Variants in SEMA6D observed in about 807,000 individuals in gnomAD.
SEMA6D encodes semaphorin 6D.
SEMA6D carries 35 observed loss-of-function variants against 106.6 expected under a neutral mutation model. The ratio of observed to expected loss-of-function variants is 0.33; its 90% confidence interval spans 0.25 to 0.44. SEMA6D has a LOEUF of 0.44. Ranked by LOEUF, SEMA6D falls within the 20% of genes least tolerant of loss-of-function variation. The pLI, the probability that SEMA6D is intolerant of heterozygous loss-of-function variation, is 1.00. For synonymous variants in SEMA6D, 499 were observed against 487.7 expected, an observed-to-expected ratio of 1.02 and a Z score of -0.31; for missense variants, 1,185 against 1,345.9, an observed-to-expected ratio of 0.88 and a Z score of 1.87.
chr15:47,328,913 G>A (rs570773610), intron 1 of SEMA6D, among the ~76,000 whole-genome samples: 78 of 152,248 alleles, frequency 5.1e-4, no homozygotes, highest in Admixed American at 2.4e-3. Flanking sequence ...TCATATCATT[G>A]GAGTAGACTT....
intron 2 of SEMA6D, among the ~76,000 whole-genome samples, chr15:47,457,816 A>G (rs2042389395): frequency 1.3e-5 from 2 of 151,968 alleles, no homozygotes; most frequent in Admixed American, 1.3e-4. Context: ...GCCAAGCACA[A>G]GCACAGGAAG....
At chr15:47,347,492 A>G (rs1007525921) in intron 1 of SEMA6D, among the ~76,000 whole-genome samples, 1 of 152,232 alleles carries the variant, frequency 6.6e-6, no homozygotes, top group Non-Finnish European at 1.5e-5. Flanking sequence ...ATCCATAATC[A>G]CAGTGCAGGC....
chr15:47,441,022 A>G (rs941852230), intron 2 of SEMA6D, among the ~76,000 whole-genome samples: 3 of 151,970 alleles, frequency 2.0e-5, no homozygotes, highest in African/African-American at 4.8e-5. Flanking sequence ...AAATGTTACC[A>G]TTCCCCTGAC....
chr15:47,603,108 GT>G (rs1311360664), intron 4 of SEMA6D, among the ~76,000 whole-genome samples: 1 of 152,110 alleles, frequency 6.6e-6, no homozygotes, highest in Non-Finnish European at 1.5e-5. Context: ...AGATACTGGT[GT>G]TTTCTTTATG....
At chr15:47,481,697 C>T (rs553214828) in intron 3 of SEMA6D, among the ~76,000 whole-genome samples, 16 of 152,294 alleles carry the variant, frequency 1.1e-4, no homozygotes, top group African/African-American at 3.6e-4. Flanking sequence ...GAAGATTGTT[C>T]TGCCTTAGAT....
At chr15:47,529,752 C>T (rs1392326831) in intron 3 of SEMA6D, among the ~76,000 whole-genome samples, 1 of 152,060 alleles carries the variant, frequency 6.6e-6, no homozygotes, top group Non-Finnish European at 1.5e-5. Context: ...TTGATGTAAA[C>T]CTTGTGGAGA....
At chr15:47,661,865 T>C (rs2077926974) in intron 4 of SEMA6D, among the ~76,000 whole-genome samples, 1 of 152,234 alleles carries the variant, frequency 6.6e-6, no homozygotes. Context: ...TCAAACACTC[T>C]TATTGTCCCA....
intron 1 of SEMA6D, among the ~76,000 whole-genome samples, chr15:47,258,759 C>T (rs1466028595): frequency 6.6e-5 from 10 of 152,068 alleles, no homozygotes; most frequent in Admixed American, 3.3e-4. Context: ...GATCCAATTT[C>T]CATAATAAAT....
At position 47,759,767 on chromosome 15, in the gene SEMA6D, C is replaced by T. The variant is rs2081963301; in HGVS notation, c.-32C>T. The T allele has an allele frequency of 1.3e-6, 2 of 1,522,180 alleles. No individual in the cohort carries two copies. The highest frequency in any genetic ancestry group is 1.7e-5 in the Admixed American group (1 of 59,824). The allele number at this position is 1,522,180 out of a possible 1,614,324, so 94.3% of individuals were successfully genotyped here. A position where few individuals can be genotyped will look rare whatever the true frequency, so the allele number is the denominator to read the frequency against. ...CAGGTAGCTCAGTGGCATTTCTGAG[C>T]AGGGGCCACCCTGACTTCACCTTGG... On this transcript the variant is annotated 5_prime_UTR_variant, in exon 2 of 19. Transcript: ENST00000536845.
rs2082648984 is a variant in SEMA6D at position 47,771,975 on chromosome 15, T to C, written c.*190T>C. The C allele has an allele frequency of 1.7e-6, 1 of 600,582 alleles. No individual in the cohort carries two copies. The highest frequency in any genetic ancestry group is 2.8e-5 in the East Asian group (1 of 36,140). The allele number at this position is 600,582 out of a possible 1,614,324, so 37.2% of individuals were successfully genotyped here. ...CTACTGCAGCAAGGCTTCTGTGTACTTGCCTGAAAACAAAGGAAGGTGCTG... is the reference window on the plus strand; with the variant it reads ...CTACTGCAGCAAGGCTTCTGTGTACCTGCCTGAAAACAAAGGAAGGTGCTG... On this transcript the variant is annotated 3_prime_UTR_variant, in exon 19 of 19. Coordinates refer to ENST00000536845, the MANE Select transcript of SEMA6D (RefSeq NM_001358351.3).
At chr15:47,732,304 T>C (rs1163899749) in intron 1 of SEMA6D, among the ~76,000 whole-genome samples, 1 of 152,196 alleles carries the variant, frequency 6.6e-6, no homozygotes, top group East Asian at 1.9e-4. Flanking sequence ...GACTCAGGTG[T>C]TTTCCATGTT....
At chr15:47,354,170 A>G (rs1447903461) in intron 1 of SEMA6D, among the ~76,000 whole-genome samples, 1 of 142,916 alleles carries the variant, frequency 7.0e-6, no homozygotes, top group Non-Finnish European at 1.5e-5. Flanking sequence ...ATATGGAATG[A>G]GAAAGCCTCT....
intron 2 of SEMA6D, among the ~76,000 whole-genome samples, chr15:47,421,231 C>G (rs2041143137): frequency 6.6e-6 from 1 of 152,098 alleles, no homozygotes; most frequent in Non-Finnish European, 1.5e-5. Context: ...TTCTCAATCT[C>G]AGGTTCTCAC....
chr15:47,318,034 T>C (rs2036754769), intron 1 of SEMA6D, among the ~76,000 whole-genome samples: 1 of 149,662 alleles, frequency 6.7e-6, no homozygotes, highest in Non-Finnish European at 1.5e-5. Context: ...CTTTTTTTTT[T>C]TTTTTTTAGA....
chr15:47,674,910 CA>C (rs2078212184), intron 4 of SEMA6D, among the ~76,000 whole-genome samples: 1 of 152,136 alleles, frequency 6.6e-6, no homozygotes, highest in Non-Finnish European at 1.5e-5. Flanking sequence ...AGGGGTTAGC[CA>C]ATAATTAGCA....
chr15:47,286,490 C>T (rs151304644), intron 1 of SEMA6D, among the ~76,000 whole-genome samples: 6 of 151,932 alleles, frequency 3.9e-5, no homozygotes, highest in East Asian at 1.9e-4. Context: ...AGCTATTTTC[C>T]GAAAGAAAAA....
At chr15:47,613,381 A>G (rs184713269) in intron 4 of SEMA6D, among the ~76,000 whole-genome samples, 16 of 152,248 alleles carry the variant, frequency 1.1e-4, no homozygotes, top group Admixed American at 4.6e-4. Context: ...ATTTCCTTCC[A>G]GGTTTTGAGG....
At chr15:47,520,277 G>A (rs77489135) in intron 3 of SEMA6D, among the ~76,000 whole-genome samples, 1,620 of 152,286 alleles carry the variant, frequency 0.011, 32 homozygotes, top group African/African-American at 0.037. Flanking sequence ...GTATCAAATC[G>A]TAATTGTAAA....
intron 4 of SEMA6D, among the ~76,000 whole-genome samples, chr15:47,659,948 T>C (rs1240257109): frequency 6.6e-6 from 1 of 152,098 alleles, no homozygotes; most frequent in Non-Finnish European, 1.5e-5. Context: ...ACTTAAGTGA[T>C]ACATATTAAC....
Sources: gnomAD v4.1 joint callset for allele counts (sites outside exome capture counted in the v4.1 genomes callset) on GRCh38, gnomAD v4.1.1 for gene constraint, MANE v1.5 for transcripts, NCBI Gene and HGNC (gene_info 2026-07-23, HGNC 2026-07-21) for gene names.